Variants in GBE1 observed in about 807,000 individuals in gnomAD.
The protein encoded by GBE1 is 1,4-alpha-glucan-branching enzyme.
In GBE1, 70 loss-of-function variants were observed where a neutral mutation model predicts 88.8. The ratio of observed to expected loss-of-function variants is 0.79; its 90% CI spans 0.65 to 0.96. GBE1 has a LOEUF of 0.96. GBE1 is among the 40% of genes least tolerant of loss of function. GBE1 has a pLI of 0.00. For synonymous variants in GBE1, 284 were observed against 300.1 expected, an observed-to-expected ratio of 0.95 and a Z score of 0.56; for missense variants, 872 against 871.0, an observed-to-expected ratio of 1.00 and a Z score of -0.01.
At chr3:81,525,376 G>T (rs2106853027) in intron 14 of GBE1, among the ~76,000 whole-genome samples, 1 of 152,134 alleles carries the variant, frequency 6.6e-6, no homozygotes, top group Admixed American at 6.6e-5. Flanking sequence ...TCCCAGGGAT[G>T]AAGCCCACTT....
At chr3:81,567,178 G>A (rs1442996922) in intron 12 of GBE1, among the ~76,000 whole-genome samples, 1 of 152,090 alleles carries the variant, frequency 6.6e-6, no homozygotes. Flanking sequence ...TCATTCAGCT[G>A]CTTAACATTA....
chr3:81,674,611 T>G (rs1170546656), intron 2 of GBE1, among the ~76,000 whole-genome samples: 3 of 151,866 alleles, frequency 2.0e-5, no homozygotes, highest in African/African-American at 7.2e-5. Flanking sequence ...AGACACATTT[T>G]AGGGAAATGC....
At chr3:81,660,015 G>C (rs896728510) in intron 3 of GBE1, among the ~76,000 whole-genome samples, 1 of 151,282 alleles carries the variant, frequency 6.6e-6, no homozygotes, top group Non-Finnish European at 1.5e-5. Flanking sequence ...GGTGATTTTA[G>C]AGTAAAAAGA....
chr3:81,715,780 G>T (rs1187571172), intron 1 of GBE1, among the ~76,000 whole-genome samples: 1 of 151,960 alleles, frequency 6.6e-6, no homozygotes, highest in East Asian at 1.9e-4. Context: ...CTAGGTGGCT[G>T]TGCTTATATA....
At chr3:81,627,926 A>G (rs1054638862) in intron 7 of GBE1, among the ~76,000 whole-genome samples, 3 of 152,016 alleles carry the variant, frequency 2.0e-5, no homozygotes, top group African/African-American at 7.2e-5. Context: ...ACTGGACTAC[A>G]GGCTAGGATT....
rs1267044758 is a variant in GBE1 at position 81,705,530 on chromosome 3, A to C, written c.227T>G (p.Phe76Cys). ...IDKFSRGYES[F>C]GVHRCADGGL... ...ACCATCAGCACATCTGTGGACGCCAAATGATTCATAGCCTCTGGAAAACTT... is the reference window on the plus strand; with the variant it reads ...ACCATCAGCACATCTGTGGACGCCACATGATTCATAGCCTCTGGAAAACTT... The change falls in exon 2 of 16, where the codon TTT becomes TGT. Residue 76 changes from phenylalanine to cysteine, a missense_variant. Transcript: ENST00000429644. 7 of 1,600,906 alleles carry C rather than the reference A, an allele frequency of 4.4e-6. No individual in the cohort carries two copies. The highest frequency in any genetic ancestry group is 6.0e-6 in the Non-Finnish European group (7 of 1,173,268).
chr3:81,643,074 C>T (rs1224845510), intron 6 of GBE1, 84 bp from the exon 7 acceptor site: 5 of 878,784 alleles, frequency 5.7e-6, no homozygotes, highest in Non-Finnish European at 9.3e-6. Flanking sequence ...TTCACCATCG[C>T]AGTACTAGAT....
rs80320163 is a variant in GBE1, at chr3:81,666,502, T to A, written c.429+4336A>T. On this transcript the variant is annotated intron_variant, in intron 3 of 15. Transcript: ENST00000429644. ...AAACACATGTCAAATGTCCTGTTGT[T>A]TTCCACACATCCAAAGAAATATACA... Among the ~76,000 whole-genome samples, 495 of 152,330 alleles carry A rather than the reference T, an allele frequency of 3.2e-3. 2 individuals carry two copies. Among genetic ancestry groups the A allele is most frequent in the African/African-American group, 0.011 (473 of 41,576 alleles).
At chr3:81,586,696 A>C (rs1259923306) in intron 9 of GBE1, among the ~76,000 whole-genome samples, 6 of 152,170 alleles carry the variant, frequency 3.9e-5, no homozygotes, top group Admixed American at 3.9e-4. Context: ...GGTTACACTT[A>C]GAAGGGGTTT....
At chr3:81,624,548 T>C (rs1278813377) in intron 7 of GBE1, among the ~76,000 whole-genome samples, 1 of 152,196 alleles carries the variant, frequency 6.6e-6, no homozygotes, top group Non-Finnish European at 1.5e-5. Context: ...CTATTGTCTA[T>C]AAATTTTAGG....
At chr3:81,507,546 A>G (rs1702670535) in intron 14 of GBE1, among the ~76,000 whole-genome samples, 1 of 151,826 alleles carries the variant, frequency 6.6e-6, no homozygotes, top group South Asian at 2.1e-4. Context: ...CCTGGGTGAC[A>G]GAGCAAGACT....
intron 6 of GBE1, among the ~76,000 whole-genome samples, chr3:81,643,919 G>A (rs986104012): frequency 6.6e-6 from 1 of 152,088 alleles, no homozygotes; most frequent in Non-Finnish European, 1.5e-5. Context: ...GTGGCCTACT[G>A]CACCATCTAC....
At position 81,535,103 on chromosome 3, in the gene GBE1, A is replaced by G. The variant is rs1011456527; in HGVS notation, c.1934+92T>C. 3 of 1,163,382 alleles carry G rather than the reference A, an allele frequency of 2.6e-6. No homozygotes were observed. The Admixed American group carries it at 8.9e-5, about 34-fold the overall frequency. The allele number at this position is 1,163,382 out of a possible 1,614,324, so 72.1% of individuals were successfully genotyped here. A position where few individuals can be genotyped will look rare whatever the true frequency, so the allele number is the denominator to read the frequency against. On this transcript the variant is annotated intron_variant, in intron 14 of 15. Transcript: ENST00000429644. ...AGGAAAATGAATGTTTCTGTCATCA[A>G]GATCAACCTTAGTCTTTTTTTTTTT...
At chr3:81,600,299 A>G (rs919588774) in intron 7 of GBE1, among the ~76,000 whole-genome samples, 5 of 152,134 alleles carry the variant, frequency 3.3e-5, no homozygotes, top group African/African-American at 1.2e-4. Flanking sequence ...TGACTAAATA[A>G]GCTATTATAA....
intron 12 of GBE1, among the ~76,000 whole-genome samples, chr3:81,552,500 G>C (rs551193301): frequency 1.8e-5 from 2 of 113,962 alleles, no homozygotes; most frequent in African/African-American, 3.4e-5. Flanking sequence ...CTGGGAGACA[G>C]AGCAAGGCTC....
intron 14 of GBE1, among the ~76,000 whole-genome samples, chr3:81,500,769 T>G (rs965225797): frequency 6.6e-6 from 1 of 152,226 alleles, no homozygotes; most frequent in African/African-American, 2.4e-5. Flanking sequence ...GACTAAACTA[T>G]GTTGTTATAC....
At chr3:81,702,112 T>A (rs879489873) in intron 2 of GBE1, among the ~76,000 whole-genome samples, 10,088 of 40,984 alleles carry the variant, frequency 0.25, 574 homozygotes, top group African/African-American at 0.41. Flanking sequence ...AGTGTGTGTG[T>A]GTGTGTGTGT....
intron 1 of GBE1, among the ~76,000 whole-genome samples, chr3:81,712,978 A>G (rs1283351728): frequency 2.6e-5 from 4 of 152,244 alleles, no homozygotes; most frequent in Non-Finnish European, 5.9e-5. Context: ...TGAGTATTTT[A>G]TGTTCCTCAA....
At chr3:81,691,976 G>C (rs921935864) in intron 2 of GBE1, among the ~76,000 whole-genome samples, 2 of 152,008 alleles carry the variant, frequency 1.3e-5, no homozygotes, top group African/African-American at 4.8e-5. Context: ...CATAGATTGG[G>C]GCTGTGGCAA....
Sources: allele counts gnomAD v4.1 joint callset (sites outside exome capture counted in the v4.1 genomes callset), GRCh38; gene constraint gnomAD v4.1.1; transcripts MANE v1.5; gene names NCBI Gene and HGNC (gene_info 2026-07-23, HGNC 2026-07-21).